The following PRSS38 variants were observed in gnomAD, a reference collection of about 807,000 sequenced individuals.
PRSS38 encodes the protein serine protease 38, also known as marapsin 2.
In PRSS38, 22 loss-of-function variants were observed where a neutral mutation model predicts 26.8. That is an observed-to-expected ratio of 0.82 (90% confidence interval 0.59 to 1.17). PRSS38 has a LOEUF of 1.17. Ranked by LOEUF, PRSS38 falls within the 50% of genes most tolerant of loss-of-function variation. The pLI is 0.00. For synonymous variants in PRSS38, 175 were observed against 172.1 expected, an observed-to-expected ratio of 1.02 and a Z score of -0.13; for missense variants, 427 against 422.7, an observed-to-expected ratio of 1.01 and a Z score of -0.09.
Position 227,816,590 on chromosome 1 carries a change from TC to T in PRSS38, c.311+342del, listed in dbSNP as rs761836724. 5.3e-5 allele frequency among the ~76,000 whole-genome samples: 8 copies of T among 151,366 alleles called. No individual in the cohort carries two copies. The highest frequency in any genetic ancestry group is 1.5e-5 in the Non-Finnish European group (1 of 67,882). ...GTTGGTCCTCAAATGCACAGCCTGGTCCCCATGTGCAAGGCTGGTCCCCTAA... is the reference window on the plus strand; with the variant it reads ...GTTGGTCCTCAAATGCACAGCCTGGTCCCATGTGCAAGGCTGGTCCCCTAA... On this transcript the variant is annotated intron_variant, in intron 2 of 4. Coordinates refer to ENST00000366757, the Ensembl canonical transcript of PRSS38. The surrounding 1 kb of genome is among the most constrained non-coding windows in gnomAD (Gnocchi z 5.1).
At chr1:227,829,716 T>G (rs1665124827) in intron 3 of PRSS38, among the ~76,000 whole-genome samples, 1 of 152,210 alleles carries the variant, frequency 6.6e-6, no homozygotes, top group African/African-American at 2.4e-5. Flanking sequence ...TTCTTTGTAA[T>G]TCACTGTGAG....
rs547965077 is a variant in PRSS38, at chr1:227,832,539, A to G, written c.584-12931A>G. Among the ~76,000 whole-genome samples the G allele has an allele frequency of 9.2e-5, 14 of 152,310 alleles. No individual in the cohort carries two copies. The East Asian group carries it at 2.5e-3, about 27-fold the overall frequency. On this transcript the variant is annotated intron_variant, in intron 3 of 4. Transcript: ENST00000366757. The stretch of plus-strand genomic sequence containing the variant: ...ATCCAGTCAGATTAATACTGACTTA[A>G]TTCTGGTGAAATATAACAATGGTTA...
At chr1:227,835,710 G>T (rs1572088401) in intron 3 of PRSS38, among the ~76,000 whole-genome samples, 1 of 152,302 alleles carries the variant, frequency 6.6e-6, no homozygotes, top group African/African-American at 2.4e-5. Context: ...GACACTAAAA[G>T]TCCTATATTG....
At chr1:227,839,856 C>T (rs904972015) in intron 3 of PRSS38, among the ~76,000 whole-genome samples, 4 of 152,162 alleles carry the variant, frequency 2.6e-5, no homozygotes, top group East Asian at 1.9e-4. Flanking sequence ...TTAATTCTTC[C>T]GAGGACTTAG....
intron 3 of PRSS38, among the ~76,000 whole-genome samples, chr1:227,842,912 C>A (rs369252063): frequency 2.0e-4 from 30 of 152,262 alleles, no homozygotes; most frequent in African/African-American, 6.7e-4. Context: ...CTTTGACAGA[C>A]AAGTCGTGGT....
intron 3 of PRSS38, among the ~76,000 whole-genome samples, chr1:227,837,586 G>C (rs1333453245): frequency 2.0e-5 from 3 of 152,184 alleles, no homozygotes; most frequent in Admixed American, 2.0e-4. Context: ...GGGGAATATA[G>C]GTACTTGTTT....
chr1:227,815,886 G>A (rs1188077519), intron 1 of PRSS38, 22 bp downstream of exon 1: 2 of 1,585,400 alleles, frequency 1.3e-6, no homozygotes, highest in Admixed American at 1.7e-5. Context: ...CCCAGGGGCG[G>A]ATGGGCGGCT....
At chr1:227,844,170 G>A (rs1665380002) in intron 3 of PRSS38, among the ~76,000 whole-genome samples, 1 of 152,180 alleles carries the variant, frequency 6.6e-6, no homozygotes, top group African/African-American at 2.4e-5. Flanking sequence ...ACCAAACACA[G>A]GATTGGGGTT....
intron 3 of PRSS38, among the ~76,000 whole-genome samples, chr1:227,839,274 A>G (rs1488997306): frequency 6.6e-6 from 1 of 152,148 alleles, no homozygotes; most frequent in African/African-American, 2.4e-5. Context: ...AGTCTGGACA[A>G]CATAGTGAGA....
intron 4 of PRSS38, 109 bp downstream of exon 4, chr1:227,845,721 G>A: frequency 7.4e-7 from 1 of 1,359,286 alleles, no homozygotes; most frequent in South Asian, 1.3e-5. Flanking sequence ...CTGCAGCCAT[G>A]CCCCAAGCTG....
chr1:227,842,684 G>A (rs1256567311), intron 3 of PRSS38, among the ~76,000 whole-genome samples: 6 of 151,848 alleles, frequency 4.0e-5, no homozygotes, highest in Non-Finnish European at 7.4e-5. Flanking sequence ...GGGTTCTAGC[G>A]ATTCTCCTGC....
chr1:227,830,664 A>T (rs1239218213), intron 3 of PRSS38, among the ~76,000 whole-genome samples: 1 of 150,490 alleles, frequency 6.6e-6, no homozygotes, highest in East Asian at 2.0e-4. Context: ...GCTAATTTTT[A>T]TTATTATTAT....
intron 3 of PRSS38, among the ~76,000 whole-genome samples, chr1:227,822,370 A>C (rs1179434364): frequency 6.6e-6 from 1 of 151,840 alleles, no homozygotes; most frequent in Non-Finnish European, 1.5e-5. Context: ...AGTGGGCCAT[A>C]GTTTTTTTCT....
At chr1:227,834,392 G>A (rs1165805250) in intron 3 of PRSS38, among the ~76,000 whole-genome samples, 1 of 152,156 alleles carries the variant, frequency 6.6e-6, no homozygotes, top group Non-Finnish European at 1.5e-5. Flanking sequence ...AAATTGGCCA[G>A]GTGTAGTGGC....
In PRSS38 at chr1:227,815,814, T is replaced by C. The variant is rs1251431604; in HGVS notation, c.98T>C (p.Leu33Ser). 5 of 1,612,288 alleles carry C rather than the reference T, an allele frequency of 3.1e-6. No individual in the cohort carries two copies. In the South Asian group the frequency reaches 5.5e-5, roughly 18 times the overall value. Residue 33 changes from leucine (L) to serine (S), a missense_variant, in exon 1 of 5, where the codon TTG (leucine) becomes TCG (serine). By Grantham distance (145) the Leu-to-Ser change is moderately radical. Transcript: ENST00000366757. ...GTGGCCCCTCCCCGGGTCGCAGCAT[T>C]GGTCCACAGACAGCCAGAGAACCAG...
chr1:227,815,879 A>AG lies in PRSS38; in HGVS notation c.148+19dup. On this transcript the variant is annotated intron_variant, in intron 1 of 4. Coordinates refer to ENST00000366757, the Ensembl canonical transcript of PRSS38. Reference sequence around the variant, plus strand: ...TGGCAGCGTGGGTAGGCCCTGCCCCAGGGGCGGATGGGCGGCTGGAGACAG... The same window carrying AG: ...TGGCAGCGTGGGTAGGCCCTGCCCCAGGGGGCGGATGGGCGGCTGGAGACAG... The AG allele has an allele frequency of 6.3e-7, 1 of 1,590,236 alleles. No homozygotes were observed. Among genetic ancestry groups the AG allele is most frequent in the South Asian group, 1.1e-5 (1 of 89,184 alleles).
At position 227,845,940 on chromosome 1, in the gene PRSS38, C is replaced by T; in HGVS notation, c.727-14C>T. The T allele has an allele frequency of 6.2e-7, 1 of 1,613,504 alleles. No individual in the cohort carries two copies. Among genetic ancestry groups the T allele is most frequent in the Non-Finnish European group, 8.5e-7 (1 of 1,179,852 alleles). On this transcript the variant is annotated splice_polypyrimidine_tract_variant and intron_variant, in intron 4 of 4. Transcript: ENST00000366757. ...GGACTCCCAGTTCACAAAAAACTCC[C>T]TCTTCCTTTCTAGGGCGACTCCGGG...
At chr1:227,828,711 C>T (rs1163759151) in intron 3 of PRSS38, among the ~76,000 whole-genome samples, 1 of 152,226 alleles carries the variant, frequency 6.6e-6, no homozygotes, top group Non-Finnish European at 1.5e-5. Flanking sequence ...AGCCAGGCTG[C>T]TTCTGTAAGT....
At chr1:227,841,108 T>G (rs902076043) in intron 3 of PRSS38, among the ~76,000 whole-genome samples, 9 of 152,240 alleles carry the variant, frequency 5.9e-5, no homozygotes, top group Non-Finnish European at 1.2e-4. Flanking sequence ...AACGGGCCTT[T>G]ACTGAGCTCA....
Sources: allele counts gnomAD v4.1 joint callset (sites outside exome capture counted in the v4.1 genomes callset), GRCh38; gene constraint gnomAD v4.1.1; non-coding constraint Gnocchi (gnomAD v3.1); transcripts MANE v1.5; gene names NCBI Gene and HGNC (gene_info 2026-07-23, HGNC 2026-07-21).